Variants in EPHA6 observed in about 807,000 individuals in gnomAD.
EPHA6 encodes EPH receptor A6, also known as ephrin type-A receptor 6.
Under a neutral mutation model 112.0 loss-of-function variants are expected in EPHA6, and 50 were observed. The ratio of observed to expected loss-of-function variants is 0.45; its 90% CI spans 0.36 to 0.56. The LOEUF is 0.56. Ranked by LOEUF, EPHA6 falls within the 20% of genes least tolerant of loss-of-function variation. The pLI, the probability that EPHA6 is intolerant of heterozygous loss-of-function variation, is 0.00. For missense variants in EPHA6, 1,280 were observed against 1,417.4 expected (o/e 0.90, Z 1.56); for synonymous variants, 529 against 490.7 (o/e 1.08, Z -1.03).
At chr3:97,241,136 A>G (rs1035761205) in intron 4 of EPHA6, among the ~76,000 whole-genome samples, 1 of 151,556 alleles carries the variant, frequency 6.6e-6, no homozygotes, top group African/African-American at 2.4e-5. Context: ...TAAAGTTATA[A>G]AGTAGAAATT....
chr3:97,750,299 T>C lies in EPHA6; in HGVS notation c.*1598T>C, dbSNP rs1478929398. 3.8e-5 allele frequency among the ~76,000 whole-genome samples: 3 copies of C among 79,742 alleles called. No homozygotes were observed. Among genetic ancestry groups the C allele is most frequent in the Non-Finnish European group, 9.3e-5 (3 of 32,288 alleles). 52.3% of individuals were successfully genotyped at this position (79,742 alleles called of 152,430 possible). ...AATTCATTTTTTGTCATAGTAGTGG[T>C]TTTTTTTTTTTAAATAAAGGACCCT... On this transcript the variant is annotated 3_prime_UTR_variant, in exon 18 of 18. Transcript: ENST00000389672.
intron 5 of EPHA6, among the ~76,000 whole-genome samples, chr3:97,367,255 T>A (rs2084787110): frequency 6.6e-6 from 1 of 152,192 alleles, no homozygotes; most frequent in Non-Finnish European, 1.5e-5. Context: ...TTTCCTTTTT[T>A]TATGTGAACC....
chr3:97,447,720 C>G (rs976836078), intron 6 of EPHA6: 38 of 1,006,950 alleles, frequency 3.8e-5, no homozygotes, highest in Admixed American at 1.8e-4. Context: ...CTGTCTAGAT[C>G]ATCCAGAATG....
intron 4 of EPHA6, among the ~76,000 whole-genome samples, chr3:97,243,749 G>T (rs1344342841): frequency 6.6e-6 from 1 of 151,708 alleles, no homozygotes; most frequent in Non-Finnish European, 1.5e-5. Flanking sequence ...AAAAATTTAT[G>T]ATATAGATCT....
chr3:97,065,163 C>T (rs954660902), intron 3 of EPHA6, among the ~76,000 whole-genome samples: 7 of 152,056 alleles, frequency 4.6e-5, no homozygotes. Flanking sequence ...GCAAACAATG[C>T]ACGAGGAGAT....
intron 14 of EPHA6, among the ~76,000 whole-genome samples, chr3:97,683,067 T>A (rs2031984009): frequency 6.6e-6 from 1 of 152,320 alleles, no homozygotes. Flanking sequence ...TTTTATTGTA[T>A]GTACCTGCAT....
chr3:97,651,897 T>G (rs982715556), intron 14 of EPHA6, among the ~76,000 whole-genome samples: 1 of 152,022 alleles, frequency 6.6e-6, no homozygotes, highest in African/African-American at 2.4e-5. Context: ...GTTTGTTGCA[T>G]GGGTAAATTG....
chr3:97,142,351 G>A (rs1278307891), intron 3 of EPHA6, among the ~76,000 whole-genome samples: 2 of 151,974 alleles, frequency 1.3e-5, no homozygotes, highest in East Asian at 3.9e-4. Flanking sequence ...AATGAGCACT[G>A]GCAGCAAGCT....
intron 10 of EPHA6, among the ~76,000 whole-genome samples, chr3:97,510,521 C>A (rs1166928526): frequency 6.6e-6 from 1 of 152,216 alleles, no homozygotes; most frequent in Non-Finnish European, 1.5e-5. Flanking sequence ...GCGGAGGCTG[C>A]AGAACAGCAA....
intron 13 of EPHA6, among the ~76,000 whole-genome samples, chr3:97,611,530 T>A (rs2093720339): frequency 6.6e-6 from 1 of 151,862 alleles, no homozygotes; most frequent in Admixed American, 6.6e-5. Context: ...ATTTAAGATT[T>A]GAAAAAGCAT....
intron 10 of EPHA6, among the ~76,000 whole-genome samples, chr3:97,509,900 T>C (rs2092332894): frequency 6.6e-6 from 1 of 152,226 alleles, no homozygotes; most frequent in Non-Finnish European, 1.5e-5. Flanking sequence ...CATTATTTTT[T>C]CTCTAATCTT....
At chr3:97,227,626 A>G (rs1016484008) in intron 4 of EPHA6, among the ~76,000 whole-genome samples, 1 of 152,238 alleles carries the variant, frequency 6.6e-6, no homozygotes, top group African/African-American at 2.4e-5. Context: ...TAAGAATGAC[A>G]GGGATTTACG....
intron 14 of EPHA6, among the ~76,000 whole-genome samples, chr3:97,718,562 T>A (rs1386094): frequency 0.61 from 92,416 of 151,974 alleles, 29,305 homozygotes; most frequent in Middle Eastern, 0.75. Flanking sequence ...TTGTTATTTA[T>A]CTGAAATACA....
At chr3:97,297,205 C>T (rs1387798642) in intron 5 of EPHA6, among the ~76,000 whole-genome samples, 1 of 152,130 alleles carries the variant, frequency 6.6e-6, no homozygotes, top group Non-Finnish European at 1.5e-5. Flanking sequence ...CACCGGGGAG[C>T]CACTCCTGGC....
chr3:97,015,283 G>A (rs2044226655), intron 3 of EPHA6, among the ~76,000 whole-genome samples: 1 of 152,166 alleles, frequency 6.6e-6, no homozygotes, highest in Non-Finnish European at 1.5e-5. Flanking sequence ...GGTAAAATCA[G>A]TATAAAGTAA....
At chr3:97,314,305 C>T (rs1010170038) in intron 5 of EPHA6, among the ~76,000 whole-genome samples, 3 of 151,450 alleles carry the variant, frequency 2.0e-5, no homozygotes, top group African/African-American at 7.3e-5. Context: ...GCAGTGTTTT[C>T]AGCTTTGTTC....
At chr3:96,935,909 A>G (rs1394247543) in intron 2 of EPHA6, among the ~76,000 whole-genome samples, 1 of 151,972 alleles carries the variant, frequency 6.6e-6, no homozygotes, top group Non-Finnish European at 1.5e-5. Flanking sequence ...GAAAATGAAT[A>G]TTTAGTGTCA....
chr3:97,697,445 A>C (rs2033111784), intron 14 of EPHA6, among the ~76,000 whole-genome samples: 1 of 152,194 alleles, frequency 6.6e-6, no homozygotes, highest in South Asian at 2.1e-4. Flanking sequence ...CCAAAAGGCA[A>C]GGAAATGAGA....
intron 5 of EPHA6, among the ~76,000 whole-genome samples, chr3:97,342,929 A>G (rs2083381640): frequency 6.6e-6 from 1 of 152,194 alleles, no homozygotes; most frequent in African/African-American, 2.4e-5. Flanking sequence ...TTAAGACAGT[A>G]ATTGGTACAG....
Sources: gnomAD v4.1 joint callset for allele counts (sites outside exome capture counted in the v4.1 genomes callset) on GRCh38, gnomAD v4.1.1 for gene constraint, MANE v1.5 for transcripts, NCBI Gene and HGNC (gene_info 2026-07-23, HGNC 2026-07-21) for gene names.